The following CSMD3 variants were observed in gnomAD, a reference collection of about 807,000 sequenced individuals.
CSMD3 encodes the protein CUB and sushi domain-containing protein 3.
Under a neutral mutation model 435.2 loss-of-function variants are expected in CSMD3, and 177 were observed. The ratio of observed to expected loss-of-function variants is 0.41; its 90% CI spans 0.36 to 0.46. The LOEUF (loss-of-function observed/expected upper bound fraction) is 0.46. Among genes scored for constraint, CSMD3 ranks in the 20% least tolerant of loss-of-function variants. The pLI is 0.34. For synonymous variants in CSMD3, 1,656 were observed against 1,520.5 expected, an observed-to-expected ratio of 1.09 and a Z score of -2.07; for missense variants, 4,265 against 4,504.6, an observed-to-expected ratio of 0.95 and a Z score of 1.52.
At chr8:113,164,000 A>G (rs1588183152) in intron 4 of CSMD3, among the ~76,000 whole-genome samples, 2 of 151,978 alleles carry the variant, frequency 1.3e-5, no homozygotes, top group South Asian at 4.1e-4. Context: ...GAAATATTTC[A>G]TTGTCCAGTA....
intron 13 of CSMD3, among the ~76,000 whole-genome samples, chr8:112,773,488 C>T (rs2078171710): frequency 6.6e-6 from 1 of 151,932 alleles, no homozygotes; most frequent in African/African-American, 2.4e-5. Flanking sequence ...AAATAACACA[C>T]AAAAAGCATG....
At chr8:112,784,039 A>G (rs2078471633) in intron 13 of CSMD3, among the ~76,000 whole-genome samples, 1 of 152,062 alleles carries the variant, frequency 6.6e-6, no homozygotes, top group Non-Finnish European at 1.5e-5. Context: ...AGTTATCCAG[A>G]TAGAAAATCA....
chr8:112,499,788 T>C (rs948760126), intron 30 of CSMD3, among the ~76,000 whole-genome samples: 1 of 152,076 alleles, frequency 6.6e-6, no homozygotes, highest in Non-Finnish European at 1.5e-5. Flanking sequence ...GGTTCTTAAA[T>C]GAAAATGTGT....
chr8:113,016,313 T>G (rs1177497669), intron 6 of CSMD3, among the ~76,000 whole-genome samples: 4 of 151,900 alleles, frequency 2.6e-5, no homozygotes, highest in Admixed American at 6.6e-5. Flanking sequence ...CAGTCTCTAC[T>G]TAATCCTATT....
intron 35 of CSMD3, among the ~76,000 whole-genome samples, chr8:112,403,952 T>C (rs925403443): frequency 4.6e-5 from 7 of 152,136 alleles, no homozygotes; most frequent in African/African-American, 1.7e-4. Context: ...ATTCAACAAA[T>C]AACAGAATAA....
At chr8:112,753,560 T>G (rs1400152091) in intron 13 of CSMD3, among the ~76,000 whole-genome samples, 2 of 152,168 alleles carry the variant, frequency 1.3e-5, no homozygotes, top group East Asian at 1.9e-4. Context: ...TGCAGAAATG[T>G]TTCAGGAGCC....
intron 6 of CSMD3, among the ~76,000 whole-genome samples, chr8:113,004,617 G>A (rs1309869653): frequency 6.6e-6 from 1 of 151,876 alleles, no homozygotes; most frequent in Non-Finnish European, 1.5e-5. Flanking sequence ...CAAGATTTAG[G>A]GAGTGTCTTT....
Position 112,409,107 on chromosome 8 carries a change from A to T in CSMD3, c.5396-75T>A, listed in dbSNP as rs1394635774. On this transcript the variant is annotated intron_variant, in intron 32 of 70. Coordinates refer to ENST00000297405, the MANE Select transcript of CSMD3 (RefSeq NM_198123.2). ...ACGAAAACAAAAAACAAAAAAATAG[A>T]AAGAGGAGGAGAGAGAGAACAAAGT... 69 of 1,604,508 alleles carry T rather than the reference A, an allele frequency of 4.3e-5. 1 individual carries two copies. The highest frequency in any genetic ancestry group is 5.4e-5 in the Non-Finnish European group (63 of 1,174,636).
chr8:112,922,707 T>C (rs1393791734), intron 9 of CSMD3, among the ~76,000 whole-genome samples: 3 of 152,096 alleles, frequency 2.0e-5, no homozygotes, highest in Non-Finnish European at 4.4e-5. Flanking sequence ...CAGGGCTCCA[T>C]ACATTTTATG....
At position 112,242,938 on chromosome 8, in the gene CSMD3, T is replaced by C. The variant is rs142784473; in HGVS notation, c.10403-1153A>G. Among the ~76,000 whole-genome samples, 24 of 152,200 alleles carry C rather than the reference T, an allele frequency of 1.6e-4. No homozygotes were observed. The East Asian group carries it at 4.3e-3, about 27-fold the overall frequency. On this transcript the variant is annotated intron_variant, in intron 65 of 70. Coordinates refer to ENST00000297405, the MANE Select transcript of CSMD3 (RefSeq NM_198123.2). ...AAACAAGAGATGGCTAAGTACTGCA[T>C]CTTTAGAAAATCATAAGTAGAAAAC... is the stretch of plus-strand genomic sequence containing the variant.
intron 7 of CSMD3, among the ~76,000 whole-genome samples, chr8:112,968,147 G>A (rs2084495151): frequency 6.6e-6 from 1 of 151,844 alleles, no homozygotes; most frequent in African/African-American, 2.4e-5. Flanking sequence ...TAAGTAGATT[G>A]TTAATCTCTA....
Position 112,638,708 on chromosome 8 carries a change from T to C in CSMD3, c.3514A>G (p.Ile1172Val), listed in dbSNP as rs780262453. 50 of 1,583,640 alleles carry C rather than the reference T, an allele frequency of 3.2e-5. No homozygotes were observed. In the South Asian group the frequency reaches 5.2e-4, roughly 16 times the overall value. Residue 1172 changes from isoleucine (I) to valine (V), a missense_variant, in exon 21 of 71, where the codon ATA (isoleucine) becomes GTA (valine). By Grantham distance (29) the Ile-to-Val change is conservative. Coordinates refer to ENST00000297405, the MANE Select transcript of CSMD3 (RefSeq NM_198123.2). ...TTTATTTTCTCACCAGAGAATGTTATGTTAAATCCTTCATATGATATTGAA... is the reference window on the plus strand; with the variant it reads ...TTTATTTTCTCACCAGAGAATGTTACGTTAAATCCTTCATATGATATTGAA... ...DFSISYEGFN[I>V]TFSEYNLEPC... is the part of the protein sequence containing the mutation.
intron 66 of CSMD3, among the ~76,000 whole-genome samples, chr8:112,240,097 C>T (rs1016942922): frequency 3.3e-5 from 5 of 151,836 alleles, no homozygotes; most frequent in African/African-American, 1.2e-4. Context: ...GTGTTGATGT[C>T]TTCTTTAATT....
intron 6 of CSMD3, among the ~76,000 whole-genome samples, chr8:112,990,157 A>T (rs1445887047): frequency 6.6e-6 from 1 of 151,982 alleles, no homozygotes; most frequent in Admixed American, 6.6e-5. Flanking sequence ...ATACGTCTTT[A>T]TTAGCAGCAT....
At position 112,306,183 on chromosome 8, in the gene CSMD3, C is replaced by A; in HGVS notation, c.7895G>T (p.Cys2632Phe). The change falls in exon 51 of 71, where the codon TGT (cysteine) becomes TTT (phenylalanine). Residue 2632 changes from cysteine (C) to phenylalanine (F), a missense_variant. Physicochemically the swap from Cys to Phe is radical, Grantham distance 205. Transcript: ENST00000297405. The stretch of plus-strand genomic sequence containing the variant: ...ATTTGTTGGAGCTTTAGGAATCCCA[C>A]AGGAAATTGCTAGAAAAACATACAC... ...APVPACQAIS[C>F]GIPKAPTNGG... The A allele has an allele frequency of 6.2e-7, 1 of 1,612,876 alleles. No individual in the cohort carries two copies. The highest frequency in any genetic ancestry group is 2.2e-5 in the East Asian group (1 of 44,812).
intron 5 of CSMD3, among the ~76,000 whole-genome samples, chr8:113,073,767 A>T (rs923731824): frequency 6.6e-6 from 1 of 151,778 alleles, no homozygotes; most frequent in Non-Finnish European, 1.5e-5. Flanking sequence ...ATGGGCATAT[A>T]TAGGACCTTT....
At chr8:112,557,093 C>T (rs541327342) in intron 24 of CSMD3, 139 bp from the exon 25 acceptor site, 39 of 624,774 alleles carry the variant, frequency 6.2e-5, no homozygotes, top group East Asian at 4.7e-4. Flanking sequence ...ATTTAATTTT[C>T]GTATCATACA....
At position 113,086,091 on chromosome 8, in the gene CSMD3, C is replaced by CAAA. The variant is rs1451008555; in HGVS notation, c.917+12664_917+12665insTTT. 6.6e-5 allele frequency among the ~76,000 whole-genome samples: 10 copies of CAAA among 151,442 alleles called. No individual in the cohort carries two copies. The South Asian group carries it at 1.3e-3, about 19-fold the overall frequency. On this transcript the variant is annotated intron_variant, in intron 5 of 70. Transcript: ENST00000297405. ...TATCTACTAAAAATAAACACACACA[C>CAAA]ACAAAAATTAGCCAGGCGTGGGTGG...
intron 9 of CSMD3, among the ~76,000 whole-genome samples, chr8:112,939,553 A>T (rs958441517): frequency 1.3e-5 from 2 of 152,116 alleles, no homozygotes; most frequent in Non-Finnish European, 2.9e-5. Flanking sequence ...ACTTAAAAGT[A>T]AGTTCATCTG....
Sources: gnomAD v4.1 joint callset for allele counts (sites outside exome capture counted in the v4.1 genomes callset) on GRCh38, gnomAD v4.1.1 for gene constraint, MANE v1.5 for transcripts, NCBI Gene and HGNC (gene_info 2026-07-23, HGNC 2026-07-21) for gene names.